DZIP1L: variants seen among roughly 807,000 people sequenced by gnomAD.
The protein encoded by DZIP1L is DAZ interacting zinc finger protein 1 like.
DZIP1L carries 90 observed loss-of-function variants against 88.7 expected under a neutral mutation model. The observed-to-expected ratio is 1.02, with a 90% CI of 0.86 to 1.21. The LOEUF (loss-of-function observed/expected upper bound fraction) is 1.21, where lower values mean the gene tolerates loss of function less well. Ranked by LOEUF, DZIP1L falls within the 50% of genes most tolerant of loss-of-function variation. The pLI is 0.00. For missense variants in DZIP1L, 932 were observed against 955.8 expected, an observed-to-expected ratio of 0.98 and a Z score of 0.33; for synonymous variants, 363 against 372.1, an observed-to-expected ratio of 0.98 and a Z score of 0.28.
Position 138,081,719 on chromosome 3 carries a change from T to G in DZIP1L, c.1234+15A>C. 6.2e-7 allele frequency: 1 copy of G among 1,612,014 alleles called. No individual in the cohort carries two copies. Among genetic ancestry groups the G allele is most frequent in the Non-Finnish European group, 8.5e-7 (1 of 1,178,964 alleles). The stretch of plus-strand genomic sequence containing the variant: ...TAGTCAAGACTGCTACACACTGCCC[T>G]GTGTAGACACTTACCTTCCACCTTC... On this transcript the variant is annotated intron_variant, in intron 9 of 15. Transcript: ENST00000327532.
intron 4 of DZIP1L, among the ~76,000 whole-genome samples, chr3:138,092,986 T>C (rs909327737): frequency 6.6e-6 from 1 of 152,230 alleles, no homozygotes; most frequent in African/African-American, 2.4e-5. Flanking sequence ...TGTTAATATT[T>C]TGACCTCCTC....
intron 12 of DZIP1L, among the ~76,000 whole-genome samples, chr3:138,069,712 A>C (rs1290768470): frequency 6.6e-6 from 1 of 152,202 alleles, no homozygotes; most frequent in Non-Finnish European, 1.5e-5. Context: ...CCACGGAAGA[A>C]AGTGGTGAAT....
intron 1 of DZIP1L, among the ~76,000 whole-genome samples, chr3:138,105,205 T>G (rs768571450): frequency 6.6e-6 from 1 of 151,978 alleles, no homozygotes; most frequent in Non-Finnish European, 1.5e-5. Flanking sequence ...CTCACCAAAG[T>G]GAAAGATATA....
intron 12 of DZIP1L, among the ~76,000 whole-genome samples, chr3:138,071,218 C>T (rs1459065631): frequency 6.6e-6 from 1 of 152,228 alleles, no homozygotes. Context: ...AGCTTCAATG[C>T]TCCCGGGCCT....
chr3:138,064,877 G>A (rs113666615), intron 14 of DZIP1L, 110 bp from the exon 15 acceptor site: 420 of 1,466,530 alleles, frequency 2.9e-4, no homozygotes, highest in Admixed American at 2.1e-4. Flanking sequence ...TGAGCAGAAG[G>A]GCCAGGAGGA....
chr3:138,088,805 T>C, intron 5 of DZIP1L: 4 of 1,036,030 alleles, frequency 3.9e-6, no homozygotes, highest in Non-Finnish European at 4.6e-6. Flanking sequence ...TCCTGACTGC[T>C]GCCCCATTTC....
intron 3 of DZIP1L, among the ~76,000 whole-genome samples, chr3:138,095,664 C>T (rs1944438035): frequency 6.6e-6 from 1 of 152,058 alleles, no homozygotes; most frequent in African/African-American, 2.4e-5. Flanking sequence ...TGCCTATAAT[C>T]CCAGCTACTC....
At chr3:138,115,125 C>A (rs1367901936) in intron 1 of DZIP1L, among the ~76,000 whole-genome samples, 1 of 152,058 alleles carries the variant, frequency 6.6e-6, no homozygotes, top group Non-Finnish European at 1.5e-5. Context: ...TGCAGGGCCG[C>A]GCCGGGCCAG....
chr3:138,094,663 A>G (rs896607831), intron 4 of DZIP1L, among the ~76,000 whole-genome samples, 199 bp downstream of exon 4: 3 of 152,260 alleles, frequency 2.0e-5, no homozygotes, highest in African/African-American at 4.8e-5. Flanking sequence ...TCGTCCACAT[A>G]AGTCTGGCAA....
chr3:138,082,468 G>A (rs1943708217), intron 8 of DZIP1L, among the ~76,000 whole-genome samples: 1 of 152,050 alleles, frequency 6.6e-6, no homozygotes, highest in Non-Finnish European at 1.5e-5. Context: ...TGATCTTCAG[G>A]GTAAAAGGAA....
intron 1 of DZIP1L, among the ~76,000 whole-genome samples, chr3:138,114,666 C>A (rs2042664482): frequency 6.6e-6 from 1 of 152,184 alleles, no homozygotes; most frequent in Non-Finnish European, 1.5e-5. Context: ...TTCCAGGAGA[C>A]CAGGCAGGGG....
intron 1 of DZIP1L, among the ~76,000 whole-genome samples, chr3:138,112,946 CA>C (rs200375996): frequency 6.7e-6 from 1 of 149,538 alleles, no homozygotes; most frequent in East Asian, 2.0e-4. Context: ...GACTTCGTCT[CA>C]AAAAAAAAGA....
Position 138,088,514 on chromosome 3 carries a change from A to C in DZIP1L, c.871-7T>G. 1 of 1,612,260 alleles carries C rather than the reference A, an allele frequency of 6.2e-7. No individual in the cohort carries two copies. The highest frequency in any genetic ancestry group is 8.5e-7 in the Non-Finnish European group (1 of 1,179,206). The stretch of plus-strand genomic sequence containing the variant: ...ACTGCAGTGCCCGCAGTTTCTGAAA[A>C]GGCCAGGGCATAGTTTTATTCAGAT... On this transcript the variant is annotated splice_region_variant and splice_polypyrimidine_tract_variant and intron_variant, in intron 5 of 15. Coordinates refer to ENST00000327532, the MANE Select transcript of DZIP1L (RefSeq NM_173543.3).
intron 1 of DZIP1L, chr3:138,112,617 T>C (rs2042636532): frequency 6.6e-6 from 1 of 152,218 alleles, no homozygotes; most frequent in African/African-American, 2.4e-5. Context: ...GCAGACTGCT[T>C]TTCCCACATC....
intron 13 of DZIP1L, 69 bp from the exon 14 acceptor site, chr3:138,067,769 C>G (rs1270345304): frequency 1.4e-6 from 2 of 1,459,766 alleles, no homozygotes; most frequent in African/African-American, 3.5e-5. Flanking sequence ...CCAAACTTCA[C>G]CACGCTTCAA....
rs72973027 is a variant in DZIP1L, at chr3:138,092,259, T to A, written c.870+124A>T. 5.9e-3 allele frequency: 6,485 copies of A among 1,097,354 alleles called. 264 individuals carry two copies. The African/African-American group carries it at 0.09, about 15-fold the overall frequency. 68.0% of individuals were successfully genotyped at this position (1,097,354 alleles called of 1,614,324 possible). A position where few individuals can be genotyped will look rare whatever the true frequency, so the allele number is the denominator to read the frequency against. ...TGGGCCTCTAATATCAGGCCTCTGA[T>A]AACTGGCCTCACAGTGTTTTAGCTT... is the stretch of plus-strand genomic sequence containing the variant. On this transcript the variant is annotated intron_variant, in intron 5 of 15. Coordinates refer to ENST00000327532, the MANE Select transcript of DZIP1L (RefSeq NM_173543.3).
chr3:138,106,075 A>G (rs1381861625), intron 1 of DZIP1L, among the ~76,000 whole-genome samples: 1 of 150,346 alleles, frequency 6.7e-6, no homozygotes, highest in Non-Finnish European at 1.5e-5. Context: ...CAAGAGGTAC[A>G]CTTTACCCTA....
rs761582377 is a variant in DZIP1L at position 138,063,730 on chromosome 3, T to C, written c.2143-753A>G. Among the ~76,000 whole-genome samples the C allele has an allele frequency of 1.3e-5, 2 of 152,264 alleles. No homozygotes were observed. The highest frequency in any genetic ancestry group is 2.9e-5 in the Non-Finnish European group (2 of 68,048). ...TCAATCTGTTTGGGGCTGTTGGTGC[T>C]CTTTCACAATTTGGAAAAAGGAACA... is the stretch of plus-strand genomic sequence containing the variant. On this transcript the variant is annotated intron_variant, in intron 15 of 15. Coordinates refer to ENST00000327532, the MANE Select transcript of DZIP1L (RefSeq NM_173543.3). The surrounding 1 kb of genome is among the most constrained non-coding windows in gnomAD (Gnocchi z 4.1).
chr3:138,084,457 G>C (rs911077982), intron 7 of DZIP1L, among the ~76,000 whole-genome samples: 1 of 152,222 alleles, frequency 6.6e-6, no homozygotes, highest in African/African-American at 2.4e-5. Context: ...TGGAATGCAT[G>C]CCTTTAAGAC....
Sources: gnomAD v4.1 joint callset for allele counts (sites outside exome capture counted in the v4.1 genomes callset) on GRCh38, gnomAD v4.1.1 for gene constraint, Gnocchi (gnomAD v3.1) non-coding constraint, MANE v1.5 for transcripts, NCBI Gene and HGNC (gene_info 2026-07-23, HGNC 2026-07-21) for gene names.